The following DPP6 variants were observed in gnomAD, a reference collection of about 807,000 sequenced individuals.
DPP6 encodes the protein dipeptidyl peptidase like 6.
In DPP6, 69 loss-of-function variants were observed where a neutral mutation model predicts 122.6. That is an observed-to-expected ratio of 0.56 (90% confidence interval 0.46 to 0.69). The LOEUF is 0.69. Ranked by LOEUF, DPP6 falls within the 30% of genes least tolerant of loss-of-function variation. The pLI is 0.00. For missense variants in DPP6, 928 were observed against 1,116.9 expected (o/e 0.83, Z 2.41); for synonymous variants, 418 against 433.1 (o/e 0.97, Z 0.43).
chr7:154,677,817 A>C (rs1839010260), intron 7 of DPP6, among the ~76,000 whole-genome samples: 2 of 152,286 alleles, frequency 1.3e-5, no homozygotes, highest in African/African-American at 2.4e-5. Context: ...GCCCCCACTG[A>C]GAAACTCCCT....
chr7:154,695,322 A>C (rs1183955849), intron 7 of DPP6, among the ~76,000 whole-genome samples: 2 of 152,214 alleles, frequency 1.3e-5, no homozygotes, highest in Non-Finnish European at 2.9e-5. Context: ...TCAAACGAAT[A>C]CTATGAGCCA....
At chr7:154,273,589 C>A (rs193198862) in intron 1 of DPP6, among the ~76,000 whole-genome samples, 2 of 152,288 alleles carry the variant, frequency 1.3e-5, no homozygotes, top group East Asian at 3.9e-4. Flanking sequence ...GATGACCAAA[C>A]AGGAGAGAAA....
intron 16 of DPP6, 93 bp downstream of exon 16, chr7:154,807,205 G>A (rs908605299): frequency 4.0e-6 from 6 of 1,516,342 alleles, no homozygotes; most frequent in Non-Finnish European, 5.3e-6. Context: ...GGCAGCGGCT[G>A]TGGTGGGAGC....
chr7:154,073,022 GTCC>G (rs1272621314), intron 1 of DPP6, among the ~76,000 whole-genome samples: 2 of 152,202 alleles, frequency 1.3e-5, no homozygotes, highest in Non-Finnish European at 2.9e-5. Flanking sequence ...CCTCCTGTGA[GTCC>G]TCCTGCTCCC....
rs189726989 is a variant in DPP6 at position 154,031,619 on chromosome 7, C to G, written c.51+143885C>G. 1.5e-3 allele frequency among the ~76,000 whole-genome samples: 222 copies of G among 151,918 alleles called. 3 individuals carry two copies. The highest frequency in any genetic ancestry group is 1.9e-3 in the Non-Finnish European group (132 of 67,988). On this transcript the variant is annotated intron_variant, in intron 1 of 25. Coordinates refer to the DPP6 transcript ENST00000404039. ...CCCCTATTTGATAAGCTTTGAGACT[C>G]TAGGCAGACACTCAAGCAACAGAGC...
At chr7:154,623,424 G>T (rs1452294573) in intron 5 of DPP6, among the ~76,000 whole-genome samples, 1 of 152,100 alleles carries the variant, frequency 6.6e-6, no homozygotes, top group East Asian at 1.9e-4. Flanking sequence ...TGCTGCGTCG[G>T]GAACCTCTTG....
intron 1 of DPP6, among the ~76,000 whole-genome samples, chr7:154,006,376 A>T (rs892452698): frequency 3.3e-5 from 5 of 151,824 alleles, no homozygotes; most frequent in Non-Finnish European, 7.4e-5. Flanking sequence ...AGGTGAAATT[A>T]AGTGTCCAGA....
chr7:154,774,994 T>C (rs1796474691), intron 10 of DPP6, among the ~76,000 whole-genome samples: 1 of 152,206 alleles, frequency 6.6e-6, no homozygotes, highest in Non-Finnish European at 1.5e-5. Context: ...AATTCAGTGC[T>C]GTAGGGGGCA....
chr7:154,779,015 C>CACTATCA (rs376330223), intron 10 of DPP6, among the ~76,000 whole-genome samples: 4 of 2,840 alleles, frequency 1.4e-3, no homozygotes, highest in Non-Finnish European at 2.2e-3. Flanking sequence ...CCACCAGCAC[C>CACTATCA]CCACCATCAC....
chr7:154,135,322 C>A (rs1284751791), intron 1 of DPP6, among the ~76,000 whole-genome samples: 1 of 152,082 alleles, frequency 6.6e-6, no homozygotes, highest in African/African-American at 2.4e-5. Flanking sequence ...TATGCACTTC[C>A]TATAAGCCCA....
intron 1 of DPP6, among the ~76,000 whole-genome samples, chr7:154,266,371 A>G (rs1447274695): frequency 6.6e-6 from 1 of 152,150 alleles, no homozygotes; most frequent in Non-Finnish European, 1.5e-5. Context: ...ACCTGACCTC[A>G]GGTGATCCGC....
intron 19 of DPP6, among the ~76,000 whole-genome samples, chr7:154,873,592 T>TA (rs1804569771): frequency 6.6e-6 from 1 of 152,156 alleles, no homozygotes; most frequent in Non-Finnish European, 1.5e-5. Flanking sequence ...GCTGAGTCCC[T>TA]AAATAGCAAA....
intron 16 of DPP6, among the ~76,000 whole-genome samples, chr7:154,820,108 C>T (rs1422955249): frequency 1.3e-5 from 2 of 152,192 alleles, no homozygotes; most frequent in African/African-American, 4.8e-5. Flanking sequence ...TCCGCATTCA[C>T]GGAGGGAGTG....
chr7:154,879,458 C>T (rs1169993378), intron 20 of DPP6, among the ~76,000 whole-genome samples: 1 of 134,602 alleles, frequency 7.4e-6, no homozygotes, highest in Admixed American at 7.9e-5. Flanking sequence ...GGCGAGGTGG[C>T]GGGCACCTGT....
chr7:154,156,238 G>A (rs1321446038), intron 1 of DPP6, among the ~76,000 whole-genome samples: 2 of 152,282 alleles, frequency 1.3e-5, no homozygotes, highest in Non-Finnish European at 1.5e-5. Flanking sequence ...TTGCAGGCCG[G>A]CATGGTATTT....
chr7:154,391,416 C>T (rs952940476), intron 1 of DPP6, among the ~76,000 whole-genome samples: 3 of 152,184 alleles, frequency 2.0e-5, no homozygotes, highest in Non-Finnish European at 4.4e-5. Context: ...TTTAGACTCT[C>T]CTAATCCCCT....
intron 1 of DPP6, among the ~76,000 whole-genome samples, chr7:154,214,451 AATT>A (rs1460033448): frequency 6.6e-6 from 1 of 152,158 alleles, no homozygotes; most frequent in African/African-American, 2.4e-5. Context: ...AAGAATGATG[AATT>A]ATTAAATAAA....
At chr7:154,091,984 C>A (rs1804886811) in intron 1 of DPP6, among the ~76,000 whole-genome samples, 1 of 152,088 alleles carries the variant, frequency 6.6e-6, no homozygotes, top group South Asian at 2.1e-4. Context: ...TGGTTCTCAA[C>A]AATTTCCAGG....
intron 8 of DPP6, among the ~76,000 whole-genome samples, chr7:154,737,738 G>T (rs1210366797): frequency 6.6e-6 from 1 of 152,156 alleles, no homozygotes; most frequent in Non-Finnish European, 1.5e-5. Context: ...CAAGTTCTGG[G>T]TGCAGCATCC....
Sources: allele counts gnomAD v4.1 joint callset (sites outside exome capture counted in the v4.1 genomes callset), GRCh38; gene constraint gnomAD v4.1.1; transcripts MANE v1.5; gene names NCBI Gene and HGNC (gene_info 2026-07-23, HGNC 2026-07-21).